The following KIF6 variants were observed in gnomAD, a reference collection of about 807,000 sequenced individuals.
The protein encoded by KIF6 is kinesin-like protein KIF6.
In KIF6, 106 loss-of-function variants were observed where a neutral mutation model predicts 112.7. That is an observed-to-expected ratio of 0.94 (90% confidence interval 0.80 to 1.11). The LOEUF (loss-of-function observed/expected upper bound fraction) is 1.11. Ranked by LOEUF, KIF6 falls within the 50% of genes least tolerant of loss-of-function variation. The pLI, the probability that KIF6 is intolerant of heterozygous loss-of-function variation, is 0.00. For missense variants in KIF6, 929 were observed against 964.0 expected (o/e 0.96, Z 0.48); for synonymous variants, 339 against 339.9 (o/e 1.00, Z 0.03).
chr6:39,643,126 C>T (rs1273517098), intron 3 of KIF6, among the ~76,000 whole-genome samples: 1 of 152,046 alleles, frequency 6.6e-6, no homozygotes, highest in African/African-American at 2.4e-5. Flanking sequence ...TCTATTTGCA[C>T]ATGACATAAT....
chr6:39,405,414 A>G (rs1769010885), intron 15 of KIF6, among the ~76,000 whole-genome samples: 1 of 152,102 alleles, frequency 6.6e-6, no homozygotes, highest in Admixed American at 6.6e-5. Flanking sequence ...TGGAGTTTTT[A>G]TTGTGATGAA....
At chr6:39,464,829 G>A (rs570363647) in intron 13 of KIF6, among the ~76,000 whole-genome samples, 112 of 152,290 alleles carry the variant, frequency 7.4e-4, no homozygotes, top group Non-Finnish European at 3.2e-4. Context: ...AAAGCCTTCC[G>A]AGAACTGCTT....
intron 6 of KIF6, among the ~76,000 whole-genome samples, chr6:39,601,960 G>A (rs973472274): frequency 6.6e-6 from 1 of 152,130 alleles, no homozygotes; most frequent in African/African-American, 2.4e-5. Flanking sequence ...ACTGTTACAG[G>A]TATTCTACAA....
In KIF6 at chr6:39,634,912, T is replaced by C. The variant is rs747409602; in HGVS notation, c.446A>G (p.Tyr149Cys). The C allele has an allele frequency of 3.7e-6, 6 of 1,612,398 alleles. No individual in the cohort carries two copies. In the South Asian group the frequency reaches 4.4e-5, roughly 12 times the overall value. The change falls in exon 5 of 23, where the codon TAC becomes TGC. Residue 149 changes from tyrosine (Y) to cysteine (C), a missense_variant. By Grantham distance (194) the Tyr-to-Cys change is radical (BLOSUM62 -2). Transcript: ENST00000287152. ...YTTHISYLEI[Y>C]NECGYDLLDP... is the part of the protein sequence containing the mutation. ...CAAAAGATCATAACCACATTCATTG[T>C]AGATTTCCAAATAGGAAATGTGTGT...
intron 13 of KIF6, among the ~76,000 whole-genome samples, chr6:39,446,679 G>A (rs1438763289): frequency 1.3e-5 from 2 of 151,988 alleles, no homozygotes; most frequent in Non-Finnish European, 2.9e-5. Context: ...TAGTAGAGAC[G>A]GGGTTTCACC....
At chr6:39,655,635 A>G (rs966848670) in intron 3 of KIF6, among the ~76,000 whole-genome samples, 21 of 152,104 alleles carry the variant, frequency 1.4e-4, no homozygotes, top group Admixed American at 2.0e-4. Context: ...TGCTCAGTTA[A>G]TAACTAATTT....
chr6:39,611,754 G>A (rs1023747872), intron 6 of KIF6, among the ~76,000 whole-genome samples: 3 of 152,110 alleles, frequency 2.0e-5, no homozygotes, highest in African/African-American at 4.8e-5. Context: ...TATATATGGA[G>A]GAACAGGATT....
Position 39,403,700 on chromosome 6 carries a change from T to C in KIF6, c.1810+16248A>G, listed in dbSNP as rs550321993. Reference sequence around the variant, plus strand: ...CTTGTATGGTATGTCTGTTGAATTTTGTAAGAAATGGCCAAGTTGTTGTCC... The same window carrying C: ...CTTGTATGGTATGTCTGTTGAATTTCGTAAGAAATGGCCAAGTTGTTGTCC... On this transcript the variant is annotated intron_variant, in intron 15 of 22. Transcript: ENST00000287152. Among the ~76,000 whole-genome samples the C allele has an allele frequency of 2.0e-5, 3 of 152,358 alleles. No individual in the cohort carries two copies. In the East Asian group the frequency reaches 5.8e-4, roughly 29 times the overall value.
At chr6:39,348,201 G>A (rs929676891) in intron 19 of KIF6, among the ~76,000 whole-genome samples, 3 of 152,212 alleles carry the variant, frequency 2.0e-5, no homozygotes, top group Non-Finnish European at 4.4e-5. Context: ...CCAAGGCACT[G>A]GCACAAAAAT....
chr6:39,608,944 G>T (rs1238529123), intron 6 of KIF6, among the ~76,000 whole-genome samples: 1 of 152,190 alleles, frequency 6.6e-6, no homozygotes, highest in African/African-American at 2.4e-5. Context: ...TCTTTAAATA[G>T]TTGCCAGCTA....
intron 10 of KIF6, among the ~76,000 whole-genome samples, chr6:39,574,279 T>G (rs973340019): frequency 3.3e-5 from 5 of 152,164 alleles, no homozygotes; most frequent in African/African-American, 1.2e-4. Context: ...TATAACAAAA[T>G]TTGCTCATTC....
In KIF6 at chr6:39,364,422, T is replaced by C. The variant is rs1268173662; in HGVS notation, c.1862-1904A>G. ...GTGTGAGCCACCGCGCCCAGCCCCC[T>C]TTTTTTTCTTAGACTGACTCCTGCT... On this transcript the variant is annotated intron_variant, in intron 16 of 22. Transcript: ENST00000287152. 3.3e-5 allele frequency among the ~76,000 whole-genome samples: 5 copies of C among 152,040 alleles called. No homozygotes were observed. The East Asian group carries it at 5.8e-4, about 18-fold the overall frequency.
At chr6:39,441,740 C>T (rs1771934113) in intron 13 of KIF6, among the ~76,000 whole-genome samples, 3 of 152,198 alleles carry the variant, frequency 2.0e-5, no homozygotes, top group Admixed American at 6.5e-5. Flanking sequence ...TTCCTCCTCT[C>T]GATTGACAAT....
intron 13 of KIF6, among the ~76,000 whole-genome samples, chr6:39,500,152 G>A (rs1002680176): frequency 6.6e-6 from 1 of 152,216 alleles, no homozygotes; most frequent in Non-Finnish European, 1.5e-5. Context: ...ACGTTAATGT[G>A]TCAGGGATGG....
At chr6:39,598,659 A>G (rs1035832996) in intron 6 of KIF6, among the ~76,000 whole-genome samples, 1 of 152,026 alleles carries the variant, frequency 6.6e-6, no homozygotes, top group African/African-American at 2.4e-5. Flanking sequence ...GGACATATAT[A>G]TGTGGACATT....
At position 39,427,940 on chromosome 6, in the gene KIF6, C is replaced by T. The variant is rs948008022; in HGVS notation, c.1754+3113G>A. On this transcript the variant is annotated intron_variant, in intron 14 of 22. Coordinates refer to ENST00000287152, the MANE Select transcript of KIF6 (RefSeq NM_145027.6). ...TTACAAACCAGAACCAGAAACAATG[C>T]CAACTTTATAATAAGAAAGATGAAG... is the stretch of plus-strand genomic sequence containing the variant. Among the ~76,000 whole-genome samples the T allele has an allele frequency of 2.6e-5, 4 of 152,144 alleles. No individual in the cohort carries two copies. The South Asian group carries it at 8.3e-4, about 32-fold the overall frequency.
chr6:39,662,030 C>A (rs1054444195), intron 3 of KIF6, among the ~76,000 whole-genome samples: 1 of 152,182 alleles, frequency 6.6e-6, no homozygotes, highest in African/African-American at 2.4e-5. Flanking sequence ...GTAAATCAAA[C>A]CCATACTCTT....
At chr6:39,617,623 A>G (rs2466406) in intron 5 of KIF6, 213,384 of 431,756 alleles carry the variant, frequency 0.49, 58,351 homozygotes, top group African/African-American at 0.86. Context: ...ATCACGACAA[A>G]TGTCTGTCAT....
At chr6:39,432,188 G>T (rs1771212390) in intron 13 of KIF6, among the ~76,000 whole-genome samples, 1 of 152,204 alleles carries the variant, frequency 6.6e-6, no homozygotes, top group Non-Finnish European at 1.5e-5. Context: ...AGGGGGTAGA[G>T]ATAATAGTTT....
Sources: gnomAD v4.1 joint callset for allele counts (sites outside exome capture counted in the v4.1 genomes callset) on GRCh38, gnomAD v4.1.1 for gene constraint, MANE v1.5 for transcripts, NCBI Gene and HGNC (gene_info 2026-07-23, HGNC 2026-07-21) for gene names.